CIT: variants seen among roughly 807,000 people sequenced by gnomAD.
The protein encoded by CIT is citron Rho-interacting kinase.
In CIT, 79 loss-of-function variants were observed where a neutral mutation model predicts 272.7. That is an observed-to-expected ratio of 0.29 (90% CI 0.24 to 0.35). The LOEUF is 0.35. Ranked by LOEUF, CIT falls within the 10% of genes least tolerant of loss-of-function variation. The probability of loss-of-function intolerance (pLI) is 1.00; values close to 1 mark genes in which losing one functional copy is unlikely to be tolerated. For synonymous variants in CIT, 948 were observed against 995.6 expected, an observed-to-expected ratio of 0.95 and a Z score of 0.90; for missense variants, 1,909 against 2,618.3, an observed-to-expected ratio of 0.73 and a Z score of 5.91.
Position 119,876,066 on chromosome 12 carries a change from C to T in CIT, c.96+7G>A. On this transcript the variant is annotated splice_region_variant and intron_variant, in intron 2 of 47. Coordinates refer to ENST00000392521, the MANE Select transcript of CIT (RefSeq NM_001206999.2). ...AGGTGAGCAAAGTTGGCAGGGTAGG[C>T]TGTTACCTGGAAGAACAGATTCAGC... The T allele has an allele frequency of 6.2e-7, 1 of 1,603,550 alleles. No individual in the cohort carries two copies. The highest frequency in any genetic ancestry group is 8.5e-7 in the Non-Finnish European group (1 of 1,170,856).
chr12:119,790,849 T>C (rs1235526819), intron 10 of CIT, among the ~76,000 whole-genome samples: 1 of 152,204 alleles, frequency 6.6e-6, no homozygotes, highest in Non-Finnish European at 1.5e-5. Flanking sequence ...GAAACTCTGC[T>C]GCAGTGGCCA....
At chr12:119,707,378 T>A (rs1386163756) in intron 40 of CIT, among the ~76,000 whole-genome samples, 1 of 152,206 alleles carries the variant, frequency 6.6e-6, no homozygotes, top group African/African-American at 2.4e-5. Context: ...TGTACAATTG[T>A]GAAAGTTGTC....
At chr12:119,793,342 C>A (rs1965478138) in intron 10 of CIT, among the ~76,000 whole-genome samples, 1 of 152,208 alleles carries the variant, frequency 6.6e-6, no homozygotes, top group Admixed American at 6.5e-5. Context: ...CAGTGCCTCA[C>A]TTTGCAGGTT....
intron 9 of CIT, among the ~76,000 whole-genome samples, chr12:119,813,644 T>C (rs1966885955): frequency 6.6e-6 from 1 of 152,198 alleles, no homozygotes; most frequent in Non-Finnish European, 1.5e-5. Flanking sequence ...ATTTATGGGC[T>C]CTCCAACAAA....
intron 32 of CIT, among the ~76,000 whole-genome samples, chr12:119,717,834 C>CTTGCTTTTTTTTTTTTTTTTTTTT (rs1957596158): frequency 2.8e-5 from 2 of 70,244 alleles, no homozygotes. Context: ...AGACTGACTT[C>CTTGCTTTTTTTTTTTTTTTTTTTT]TTTCTTTTTT....
chr12:119,775,067 G>A (rs569269377), intron 16 of CIT, among the ~76,000 whole-genome samples: 30 of 152,308 alleles, frequency 2.0e-4, no homozygotes, highest in Middle Eastern at 3.4e-3. Context: ...GAGGTCAGGA[G>A]TTCGAGACCA....
At chr12:119,723,566 G>A (rs1267056181) in intron 28 of CIT, among the ~76,000 whole-genome samples, 1 of 152,182 alleles carries the variant, frequency 6.6e-6, no homozygotes, top group Non-Finnish European at 1.5e-5. Flanking sequence ...ACAATTTCAC[G>A]AGGAAACTGT....
At chr12:119,849,938 G>A (rs551473826) in intron 5 of CIT, among the ~76,000 whole-genome samples, 4 of 152,170 alleles carry the variant, frequency 2.6e-5, no homozygotes, top group South Asian at 2.1e-4. Flanking sequence ...CACCCGCCTC[G>A]GCCTCCCAAA....
chr12:119,780,443 C>A (rs555609851), intron 13 of CIT, among the ~76,000 whole-genome samples: 8 of 152,078 alleles, frequency 5.3e-5, no homozygotes, highest in African/African-American at 1.9e-4. Flanking sequence ...ATGGTGAAAC[C>A]CCATCTCTAC....
chr12:119,860,875 C>T (rs1435528127), intron 3 of CIT, among the ~76,000 whole-genome samples: 1 of 151,496 alleles, frequency 6.6e-6, no homozygotes. Context: ...AATCCCAGCA[C>T]TTTGGGAGGC....
intron 7 of CIT, among the ~76,000 whole-genome samples, chr12:119,825,982 C>T (rs1209399031): frequency 2.0e-5 from 3 of 152,120 alleles, no homozygotes; most frequent in African/African-American, 4.8e-5. Flanking sequence ...GCACAAGAAT[C>T]GCTTGAACCT....
At chr12:119,756,038 C>A (rs1157626466) in intron 22 of CIT, among the ~76,000 whole-genome samples, 1 of 152,156 alleles carries the variant, frequency 6.6e-6, no homozygotes, top group African/African-American at 2.4e-5. Context: ...TGACACGCTC[C>A]CCACAGGACC....
intron 44 of CIT, among the ~76,000 whole-genome samples, chr12:119,698,819 G>A (rs1224160133): frequency 6.6e-6 from 1 of 152,150 alleles, no homozygotes; most frequent in African/African-American, 2.4e-5. Flanking sequence ...AGTACTGGAA[G>A]GACAAGAAAC....
intron 5 of CIT, among the ~76,000 whole-genome samples, chr12:119,836,212 G>A (rs534219889): frequency 1.6e-4 from 24 of 148,592 alleles, no homozygotes; most frequent in African/African-American, 5.3e-4. Context: ...ACTTGAACCC[G>A]GGAGGCAGAG....
In CIT at chr12:119,735,380, T is replaced by C. The variant is rs532408329; in HGVS notation, c.2959-23A>G. On this transcript the variant is annotated intron_variant, in intron 24 of 47. Coordinates refer to ENST00000392521, the MANE Select transcript of CIT (RefSeq NM_001206999.2). The stretch of plus-strand genomic sequence containing the variant: ...TACCTAAAAGAGGAAAGGAATCCAG[T>C]TACACGCCAAGCACATTCATTTCAA... The C allele has an allele frequency of 9.9e-6, 16 of 1,609,338 alleles. No individual in the cohort carries two copies. The South Asian group carries it at 1.6e-4, about 17-fold the overall frequency.
chr12:119,844,314 G>A (rs1358514921), intron 5 of CIT, among the ~76,000 whole-genome samples: 3 of 152,040 alleles, frequency 2.0e-5, no homozygotes, highest in East Asian at 1.9e-4. Flanking sequence ...AAGCCACCGC[G>A]CCCAGCCATA....
Position 119,825,285 on chromosome 12 carries a change from G to A in CIT, c.837C>T (p.Thr279=). 1 of 1,614,132 alleles carries A rather than the reference G, an allele frequency of 6.2e-7. No homozygotes were observed. The highest frequency in any genetic ancestry group is 8.5e-7 in the Non-Finnish European group (1 of 1,180,030). Reference sequence around the variant, plus strand: ...ACCACCAGTCACAGTCCAGGCCGTAGGTGCCTTTTCCATCCCCGTTCATCA... The same window carrying A: ...ACCACCAGTCACAGTCCAGGCCGTAAGTGCCTTTTCCATCCCCGTTCATCA... ...LTVMNGDGKG[T]YGLDCDWWSV... is the part of the protein sequence containing the mutation. Residue 279 remains threonine, a synonymous_variant, in exon 8 of 48, where the codon ACC becomes ACT. Transcript: ENST00000392521.
At chr12:119,846,374 A>C (rs2138217928) in intron 5 of CIT, among the ~76,000 whole-genome samples, 1 of 152,330 alleles carries the variant, frequency 6.6e-6, no homozygotes, top group South Asian at 2.1e-4. Flanking sequence ...GCTTACTTTT[A>C]AGAATAAGTT....
intron 23 of CIT, among the ~76,000 whole-genome samples, chr12:119,743,251 A>G (rs1216018156): frequency 6.6e-6 from 1 of 152,118 alleles, no homozygotes; most frequent in Non-Finnish European, 1.5e-5. Flanking sequence ...AAGGAATAAG[A>G]AAGGTAGGTA....
Sources: allele counts gnomAD v4.1 joint callset (sites outside exome capture counted in the v4.1 genomes callset), GRCh38; gene constraint gnomAD v4.1.1; transcripts MANE v1.5; gene names NCBI Gene and HGNC (gene_info 2026-07-23, HGNC 2026-07-21).